Variants in RHBDL3 observed in about 807,000 individuals in gnomAD.
RHBDL3 encodes rhomboid like 3.
Under a neutral mutation model 48.2 loss-of-function variants are expected in RHBDL3, and 28 were observed. That is an observed-to-expected ratio of 0.58 (90% CI 0.43 to 0.80). The LOEUF is 0.80. Among genes scored for constraint, RHBDL3 ranks in the 30% least tolerant of loss-of-function variants. The probability of loss-of-function intolerance (pLI) is 0.00; values close to 1 mark genes in which losing one functional copy is unlikely to be tolerated. For synonymous variants in RHBDL3, 208 were observed against 232.3 expected (o/e 0.90, Z 0.95); for missense variants, 464 against 542.7 (o/e 0.85, Z 1.44).
Position 32,266,148 on chromosome 17 carries a change from C to T in RHBDL3, c.-42C>T. 1.2e-6 allele frequency: 1 copy of T among 808,950 alleles called. No homozygotes were observed. Among genetic ancestry groups the T allele is most frequent in the Non-Finnish European group, 1.6e-6 (1 of 631,074 alleles). 50.1% of individuals were successfully genotyped at this position (808,950 alleles called of 1,614,324 possible). A position where few individuals can be genotyped will look rare whatever the true frequency, so the allele number is the denominator to read the frequency against. ...GCAAAGTTAGCCCGGCGCCCCGGGA[C>T]GAGCCCCGCAGCCGCCGCCGCCCCC... On this transcript the variant is annotated 5_prime_UTR_variant, in exon 1 of 9. It adds an upstream start codon to the 5' untranslated region. Coordinates refer to ENST00000269051, the MANE Select transcript of RHBDL3 (RefSeq NM_138328.3).
intron 3 of RHBDL3, chr17:32,288,479 T>C: frequency 2.8e-6 from 1 of 360,650 alleles, no homozygotes; most frequent in South Asian, 4.1e-5. Flanking sequence ...GGAGCCTTAC[T>C]GAGTGTGAAC....
intron 2 of RHBDL3, among the ~76,000 whole-genome samples, chr17:32,273,525 A>T (rs905068987): frequency 5.3e-5 from 8 of 152,206 alleles, no homozygotes; most frequent in Non-Finnish European, 1.2e-4. Flanking sequence ...GGTGTGTGGC[A>T]ATGGGCAAGC....
intron 6 of RHBDL3, among the ~76,000 whole-genome samples, chr17:32,303,009 C>T (rs745936447): frequency 5.9e-5 from 9 of 152,160 alleles, no homozygotes; most frequent in Non-Finnish European, 1.3e-4. Context: ...AAACCGAAGC[C>T]CAAAGAATTC....
chr17:32,283,200 C>G (rs1258964545), intron 2 of RHBDL3, among the ~76,000 whole-genome samples: 1 of 151,946 alleles, frequency 6.6e-6, no homozygotes, highest in East Asian at 1.9e-4. Context: ...CTCCTGGCGT[C>G]CAGGAGATGC....
At chr17:32,266,590 C>T (rs1260144782) in intron 1 of RHBDL3, among the ~76,000 whole-genome samples, 1 of 152,160 alleles carries the variant, frequency 6.6e-6, no homozygotes, top group Non-Finnish European at 1.5e-5. Flanking sequence ...GTGCAGTGCC[C>T]GGGACACGGC....
At chr17:32,297,652 CTTTTTTTTTTTTTTT>C (rs71362824) in intron 5 of RHBDL3, among the ~76,000 whole-genome samples, 7 of 50,982 alleles carry the variant, frequency 1.4e-4, no homozygotes, top group East Asian at 1.0e-3. Context: ...GTTGCTGGAT[CTTTTTTTTTTTTTTT>C]TTTTTTTTTT....
At chr17:32,299,340 C>T (rs2040529732) in intron 6 of RHBDL3, among the ~76,000 whole-genome samples, 1 of 152,188 alleles carries the variant, frequency 6.6e-6, no homozygotes, top group South Asian at 2.1e-4. Flanking sequence ...TGCACCATCT[C>T]CTTTGCTCCT....
chr17:32,280,901 G>A (rs143192405), intron 2 of RHBDL3: 1,666 of 153,008 alleles, frequency 0.011, 40 homozygotes, highest in African/African-American at 0.037. Flanking sequence ...CATACCCAAT[G>A]TCAGCACCTG....
intron 3 of RHBDL3, among the ~76,000 whole-genome samples, chr17:32,285,232 G>T (rs2040168320): frequency 6.6e-6 from 1 of 152,188 alleles, no homozygotes; most frequent in Non-Finnish European, 1.5e-5. Context: ...CTTGCACAAG[G>T]CCTGGTATTT....
chr17:32,278,554 A>G (rs1054801282), intron 2 of RHBDL3, among the ~76,000 whole-genome samples: 5 of 152,166 alleles, frequency 3.3e-5, no homozygotes, highest in Non-Finnish European at 7.4e-5. Flanking sequence ...GACACATAAG[A>G]GGATTGGATG....
intron 5 of RHBDL3, among the ~76,000 whole-genome samples, chr17:32,297,792 G>A (rs186191): frequency 6.0e-5 from 9 of 149,952 alleles, no homozygotes; most frequent in African/African-American, 1.5e-4. Flanking sequence ...GGGCCACTGC[G>A]CCCAGCCTAG....
chr17:32,309,752 G>A (rs916545025), intron 7 of RHBDL3, among the ~76,000 whole-genome samples: 33 of 147,650 alleles, frequency 2.2e-4, no homozygotes, highest in African/African-American at 7.7e-4. Context: ...AATGCAAAAA[G>A]CCCTATAATC....
chr17:32,286,750 A>T (rs1205710914), intron 3 of RHBDL3, among the ~76,000 whole-genome samples: 1 of 152,204 alleles, frequency 6.6e-6, no homozygotes, highest in Non-Finnish European at 1.5e-5. Flanking sequence ...GCCACACTGC[A>T]TTACAGCTGA....
At chr17:32,281,537 C>T (rs907485759) in intron 2 of RHBDL3, among the ~76,000 whole-genome samples, 4 of 152,080 alleles carry the variant, frequency 2.6e-5, no homozygotes, top group Non-Finnish European at 4.4e-5. Flanking sequence ...CTTCTCAGCC[C>T]GCACCCCACC....
intron 2 of RHBDL3, among the ~76,000 whole-genome samples, chr17:32,275,018 C>T (rs544448834): frequency 1.3e-5 from 2 of 152,288 alleles, no homozygotes; most frequent in South Asian, 2.1e-4. Flanking sequence ...ACCCGCTCTG[C>T]ATCTTGCTCC....
chr17:32,288,795 A>G lies in RHBDL3; in HGVS notation c.298A>G (p.Ser100Gly), dbSNP rs766081489. Reference sequence around the variant, plus strand: ...CCCCACTCCATTTCCTGCACAGATGAGCAACAAGCGTTCCAACAGCTTCCG... The same window carrying G: ...CCCCACTCCATTTCCTGCACAGATGGGCAACAAGCGTTCCAACAGCTTCCG... The part of the protein sequence containing the change: ...IGYQDFVSLM[S>G]NKRSNSFRQA... The change falls in exon 4 of 9, where the codon AGC (serine) becomes GGC (glycine). Residue 100 changes from serine (S) to glycine (G), a missense_variant. Transcript: ENST00000269051. The G allele has an allele frequency of 6.2e-6, 10 of 1,609,876 alleles. No homozygotes were observed. The African/African-American group carries it at 8.0e-5, about 13-fold the overall frequency.
intron 6 of RHBDL3, among the ~76,000 whole-genome samples, chr17:32,301,038 C>A (rs2040570786): frequency 6.6e-6 from 1 of 152,142 alleles, no homozygotes; most frequent in Non-Finnish European, 1.5e-5. Context: ...CACCACCGCG[C>A]CCGGCTAATT....
At chr17:32,281,476 A>G (rs1014846349) in intron 2 of RHBDL3, among the ~76,000 whole-genome samples, 7 of 151,956 alleles carry the variant, frequency 4.6e-5, no homozygotes, top group Non-Finnish European at 8.8e-5. Flanking sequence ...CCGCAGACCA[A>G]TGGCCCTCCT....
intron 2 of RHBDL3, among the ~76,000 whole-genome samples, chr17:32,281,473 C>T (rs2150703296): frequency 1.3e-5 from 2 of 152,182 alleles, no homozygotes; most frequent in Middle Eastern, 6.8e-3. Flanking sequence ...GTGCCGCAGA[C>T]CAATGGCCCT....
Sources: gnomAD v4.1 joint callset for allele counts (sites outside exome capture counted in the v4.1 genomes callset) on GRCh38, gnomAD v4.1.1 for gene constraint, MANE v1.5 for transcripts, NCBI Gene and HGNC (gene_info 2026-07-23, HGNC 2026-07-21) for gene names.